Variants in ZPBP observed in about 807,000 individuals in gnomAD.
ZPBP encodes zona pellucida-binding protein 1.
A neutral mutation model predicts 44.8 loss-of-function variants in ZPBP; 26 were observed. The ratio of observed to expected loss-of-function variants is 0.58; its 90% CI spans 0.43 to 0.81. ZPBP has a LOEUF of 0.81. Among genes scored for constraint, ZPBP ranks in the 30% least tolerant of loss-of-function variants. The pLI is 0.00. For missense variants in ZPBP, 409 were observed against 434.0 expected (o/e 0.94, Z 0.51); for synonymous variants, 174 against 153.2 (o/e 1.14, Z -1.00).
intron 7 of ZPBP, chr7:49,944,491 A>C (rs1795019793): frequency 6.3e-6 from 1 of 158,570 alleles, no homozygotes; most frequent in African/African-American, 2.4e-5. Context: ...ATGTTGGGTA[A>C]ATGAATTCAG....
intron 7 of ZPBP, among the ~76,000 whole-genome samples, chr7:49,937,891 A>G (rs981662246): frequency 1.3e-5 from 2 of 152,230 alleles, no homozygotes; most frequent in African/African-American, 4.8e-5. Context: ...TCATACACTG[A>G]AAGTTTTAAT....
intron 6 of ZPBP, among the ~76,000 whole-genome samples, chr7:50,003,240 TC>T (rs1300740365): frequency 6.6e-6 from 1 of 152,212 alleles, no homozygotes; most frequent in African/African-American, 2.4e-5. Context: ...AAGTTTCATG[TC>T]CTTTTTCCCC....
chr7:49,870,589 C>A (rs551171202), intron 2 of ZPBP, among the ~76,000 whole-genome samples: 1 of 152,008 alleles, frequency 6.6e-6, no homozygotes, highest in African/African-American at 2.4e-5. Flanking sequence ...GCATGTCTTA[C>A]GAGTAGGATT....
In ZPBP at chr7:49,974,422, C is replaced by A. The variant is rs116670487; in HGVS notation, c.961+8920G>T. 4.2e-3 allele frequency among the ~76,000 whole-genome samples: 639 copies of A among 151,632 alleles called. 3 individuals are homozygous for A. The highest frequency in any genetic ancestry group is 0.015 in the African/African-American group (621 of 41,316). On this transcript the variant is annotated intron_variant, in intron 7 of 7. Transcript: ENST00000046087. The stretch of plus-strand genomic sequence containing the variant: ...TGATGCCATAAAGTGAGAAACTGCT[C>A]AAAAAATAATGAGGGTATATTGCAT...
At chr7:50,003,456 G>A (rs1324095476) in intron 6 of ZPBP, among the ~76,000 whole-genome samples, 1 of 152,208 alleles carries the variant, frequency 6.6e-6, no homozygotes, top group Non-Finnish European at 1.5e-5. Context: ...CAGTGCAGTT[G>A]AAGTGAGGAT....
intron 5 of ZPBP, 115 bp from the exon 6 acceptor site, chr7:50,018,431 G>T: frequency 1.1e-6 from 1 of 905,718 alleles, no homozygotes. Flanking sequence ...AAAATATTAA[G>T]CAATTTTCCT....
chr7:50,070,044 A>T (rs1430352881), intron 3 of ZPBP, among the ~76,000 whole-genome samples: 1 of 152,006 alleles, frequency 6.6e-6, no homozygotes. Flanking sequence ...AGCCTCTCTC[A>T]TGTCCCAGGT....
intron 2 of ZPBP, among the ~76,000 whole-genome samples, chr7:49,873,559 G>A (rs1791269183): frequency 6.6e-6 from 1 of 152,226 alleles, no homozygotes; most frequent in Non-Finnish European, 1.5e-5. Context: ...AGAAATGATG[G>A]TGCACACAGC....
intron 1 of ZPBP, among the ~76,000 whole-genome samples, chr7:50,090,219 T>C (rs1562622027): frequency 6.6e-6 from 1 of 152,022 alleles, no homozygotes; most frequent in Non-Finnish European, 1.5e-5. Flanking sequence ...TAAACCCAAT[T>C]TGTAGTCTTT....
At chr7:49,963,601 A>T (rs936607069) in intron 7 of ZPBP, among the ~76,000 whole-genome samples, 3 of 151,860 alleles carry the variant, frequency 2.0e-5, no homozygotes, top group Non-Finnish European at 4.4e-5. Context: ...CTTCATAGTG[A>T]TGTTAACTGA....
chr7:50,043,803 T>C (rs553334132), intron 4 of ZPBP, among the ~76,000 whole-genome samples: 2 of 152,212 alleles, frequency 1.3e-5, no homozygotes, highest in Non-Finnish European at 2.9e-5. Context: ...AACTCAGTTC[T>C]GGACCAAATG....
At chr7:50,091,020 G>A (rs1169297534) in intron 1 of ZPBP, among the ~76,000 whole-genome samples, 1 of 151,848 alleles carries the variant, frequency 6.6e-6, no homozygotes, top group Admixed American at 6.6e-5. Context: ...CGAGAGTAAG[G>A]TGATATCACA....
intron 2 of ZPBP, among the ~76,000 whole-genome samples, chr7:49,881,288 T>C (rs1791652058): frequency 6.6e-6 from 1 of 152,166 alleles, no homozygotes; most frequent in South Asian, 2.1e-4. Flanking sequence ...CAGCTAAATC[T>C]TTAGAGTGCT....
chr7:49,871,957 A>C (rs1247964280), intron 2 of ZPBP, among the ~76,000 whole-genome samples: 8 of 107,724 alleles, frequency 7.4e-5, no homozygotes, highest in African/African-American at 1.7e-4. Flanking sequence ...ACACACACAC[A>C]CCGAGAAAGA....
chr7:50,086,339 A>T (rs1802648393), intron 2 of ZPBP, among the ~76,000 whole-genome samples: 1 of 152,110 alleles, frequency 6.6e-6, no homozygotes, highest in Non-Finnish European at 1.5e-5. Context: ...GGCCATATGC[A>T]TAAAAAGGTA....
intron 7 of ZPBP, among the ~76,000 whole-genome samples, chr7:49,955,018 C>G (rs759407134): frequency 3.9e-5 from 6 of 151,920 alleles, no homozygotes; most frequent in Non-Finnish European, 8.8e-5. Context: ...TGCAGATTAA[C>G]AAAAATTATA....
At chr7:49,856,975 A>AC (rs1313282312) in intron 2 of ZPBP, among the ~76,000 whole-genome samples, 1 of 122,036 alleles carries the variant, frequency 8.2e-6, no homozygotes, top group African/African-American at 3.2e-5. Context: ...GGGCCACTGC[A>AC]CTCCAACCTG....
intron 7 of ZPBP, among the ~76,000 whole-genome samples, chr7:49,981,645 A>AATTATATAAATT (rs1796965907): frequency 1.1e-5 from 1 of 90,778 alleles, no homozygotes; most frequent in African/African-American, 4.6e-5. Flanking sequence ...TATATTATAT[A>AATTATATAAATT]ATATCTTGAT....
At chr7:49,887,767 A>C (rs2128729298) in intron 2 of ZPBP, among the ~76,000 whole-genome samples, 1 of 152,250 alleles carries the variant, frequency 6.6e-6, no homozygotes, top group Middle Eastern at 3.4e-3. Flanking sequence ...ACACCAACCC[A>C]TGGCACTTCC....
Sources: allele counts gnomAD v4.1 joint callset (sites outside exome capture counted in the v4.1 genomes callset), GRCh38; gene constraint gnomAD v4.1.1; transcripts MANE v1.5; gene names NCBI Gene and HGNC (gene_info 2026-07-23, HGNC 2026-07-21).